Variants in KCNK18 observed in about 807,000 individuals in gnomAD.
KCNK18 encodes potassium channel subfamily K member 18.
Under a neutral mutation model 11.8 loss-of-function variants are expected in KCNK18, and 8 were observed. The ratio of observed to expected loss-of-function variants is 0.68; its 90% CI spans 0.40 to 1.22. The LOEUF (loss-of-function observed/expected upper bound fraction) is 1.22, where lower values mean the gene tolerates loss of function less well. KCNK18 is among the 50% of genes most tolerant of loss of function. The pLI is 0.01. For missense variants in KCNK18, 442 were observed against 465.4 expected (o/e 0.95, Z 0.46); for synonymous variants, 208 against 185.8 (o/e 1.12, Z -0.97).
chr10:117,199,803 A>C (rs528356218), intron 1 of KCNK18, among the ~76,000 whole-genome samples: 22 of 152,244 alleles, frequency 1.4e-4, no homozygotes, highest in African/African-American at 5.3e-4. Context: ...AATTAAAAGG[A>C]GTAGAGACTT....
chr10:117,209,988 C>G lies in KCNK18; in HGVS notation c.844C>G (p.Pro282Ala). ...VGQQVERLDI[P>A]LPIIALIVFA... is the part of the protein sequence containing the mutation. The stretch of plus-strand genomic sequence containing the variant: ...ACAGCAGGTGGAGAGGTTGGACATC[C>G]CCCTCCCCATCATTGCCCTTATTGT... The change falls in exon 3 of 3, where the codon CCC (proline) becomes GCC (alanine). Residue 282 changes from proline (P) to alanine (A), a missense_variant. Coordinates refer to ENST00000334549, the MANE Select transcript of KCNK18 (RefSeq NM_181840.1). The G allele has an allele frequency of 6.2e-7, 1 of 1,614,126 alleles. No individual in the cohort carries two copies. The highest frequency in any genetic ancestry group is 8.5e-7 in the Non-Finnish European group (1 of 1,180,004).
rs1855122409 is a variant in KCNK18, at chr10:117,209,812, G to T, written c.668G>T (p.Cys223Phe). 1.2e-6 allele frequency: 2 copies of T among 1,614,146 alleles called. No homozygotes were observed. The highest frequency in any genetic ancestry group is 1.7e-6 in the Non-Finnish European group (2 of 1,180,028). ...KLGTCPSRPS[C>F]SMELFERSHA... The stretch of plus-strand genomic sequence containing the variant: ...GGCACATGTCCTTCACGCCCAAGCT[G>T]CAGCATGGAGCTGTTTGAGAGATCT... The change falls in exon 3 of 3, where the codon TGC (cysteine) becomes TTC (phenylalanine). Residue 223 changes from cysteine (C) to phenylalanine (F), a missense_variant. Coordinates refer to ENST00000334549, the MANE Select transcript of KCNK18 (RefSeq NM_181840.1).
intron 2 of KCNK18, among the ~76,000 whole-genome samples, chr10:117,203,606 C>G (rs563670411): frequency 1.3e-5 from 2 of 152,354 alleles, no homozygotes; most frequent in South Asian, 4.1e-4. Flanking sequence ...ATGGTGCCAT[C>G]TCAGCTCACT....
Position 117,201,282 on chromosome 10 carries a change from C to T in KCNK18, c.347C>T (p.Thr116Ile), listed in dbSNP as rs376290985. 6.2e-7 allele frequency: 1 copy of T among 1,613,250 alleles called. No individual in the cohort carries two copies. Among genetic ancestry groups the T allele is most frequent in the African/African-American group, 1.3e-5 (1 of 75,006 alleles). Residue 116 changes from threonine (T) to isoleucine (I), a missense_variant, in exon 2 of 3, where the codon ACC becomes ATC. By Grantham distance (89) the Thr-to-Ile change is moderately conservative. Transcript: ENST00000334549. ...TTTTTCTGCTGCACGGTGTTCAGCACCGTGGGTAAGTGCAAAGCCACAGTC... is the reference window on the plus strand; with the variant it reads ...TTTTTCTGCTGCACGGTGTTCAGCATCGTGGGTAAGTGCAAAGCCACAGTC... Reference protein sequence around the residue: ...SLFFCCTVFSTVGYGYIYPVT... With the variant: ...SLFFCCTVFSIVGYGYIYPVT...
chr10:117,209,631 T>G lies in KCNK18; in HGVS notation c.487T>G (p.Tyr163Asp). The G allele has an allele frequency of 6.2e-7, 1 of 1,614,150 alleles. No homozygotes were observed. Among genetic ancestry groups the G allele is most frequent in the Non-Finnish European group, 8.5e-7 (1 of 1,180,024 alleles). The stretch of plus-strand genomic sequence containing the variant: ...CCTGGCAACCATCTTATCTACATCT[T>G]ATAATCGGTTCCGAAAATTCCCTTT... ...DILATILSTS[Y>D]NRFRKFPFFT... Residue 163 changes from tyrosine (Y) to aspartate (D), a missense_variant, in exon 3 of 3, where the codon TAT (tyrosine) becomes GAT (aspartate). By Grantham distance (160) the Tyr-to-Asp change is radical. Transcript: ENST00000334549.
intron 2 of KCNK18, among the ~76,000 whole-genome samples, chr10:117,207,069 C>T (rs1855085130): frequency 1.3e-5 from 2 of 152,122 alleles, no homozygotes; most frequent in South Asian, 4.1e-4. Flanking sequence ...CGCTCCGTTG[C>T]CCAGGCTGGA....
Position 117,201,306 on chromosome 10 carries a change from T to C in KCNK18, c.352+19T>C, listed in dbSNP as rs769689849. ...ACCGTGGGTAAGTGCAAAGCCACAG[T>C]CCCCCTCACGGTGGCCCTGTGAAGG... On this transcript the variant is annotated intron_variant, in intron 2 of 2. Transcript: ENST00000334549. 2 of 1,611,186 alleles carry C rather than the reference T, an allele frequency of 1.2e-6. No homozygotes were observed. The highest frequency in any genetic ancestry group is 1.7e-6 in the Non-Finnish European group (2 of 1,179,876).
intron 2 of KCNK18, among the ~76,000 whole-genome samples, chr10:117,208,805 A>T (rs1383513454): frequency 2.0e-5 from 3 of 151,630 alleles, no homozygotes; most frequent in Non-Finnish European, 4.4e-5. Context: ...CAATGGCACA[A>T]TCTTGGCTCA....
At chr10:117,201,431 C>A in intron 2 of KCNK18, 144 bp downstream of exon 2, 2 of 867,830 alleles carry the variant, frequency 2.3e-6, no homozygotes, top group South Asian at 2.8e-5. Flanking sequence ...TATTGCACAC[C>A]TACAAATAGC....
At chr10:117,203,470 G>T (rs1855038917) in intron 2 of KCNK18, among the ~76,000 whole-genome samples, 1 of 152,200 alleles carries the variant, frequency 6.6e-6, no homozygotes, top group African/African-American at 2.4e-5. Flanking sequence ...AATAGGCCCA[G>T]GAGAGCAGTA....
At chr10:117,202,622 C>A (rs565049681) in intron 2 of KCNK18, among the ~76,000 whole-genome samples, 2 of 152,210 alleles carry the variant, frequency 1.3e-5, no homozygotes, top group Non-Finnish European at 1.5e-5. Flanking sequence ...TCAGCCATGA[C>A]GATGTCTTCC....
At position 117,209,653 on chromosome 10, in the gene KCNK18, C is replaced by T. The variant is rs771615431; in HGVS notation, c.509C>T (p.Pro170Leu). 20 of 1,614,002 alleles carry T rather than the reference C, an allele frequency of 1.2e-5. No individual in the cohort carries two copies. Among genetic ancestry groups the T allele is most frequent in the South Asian group, 3.3e-5 (3 of 91,076 alleles). The change falls in exon 3 of 3, where the codon CCT (proline) becomes CTT (leucine). Residue 170 changes from proline to leucine, a missense_variant. Physicochemically the swap from Pro to Leu is moderately conservative, Grantham distance 98. Transcript: ENST00000334549. Reference sequence around the variant, plus strand: ...TCTTATAATCGGTTCCGAAAATTCCCTTTCTTTACCCGCCCCCTCCTCTCC... The same window carrying T: ...TCTTATAATCGGTTCCGAAAATTCCTTTTCTTTACCCGCCCCCTCCTCTCC... ...STSYNRFRKF[P>L]FFTRPLLSKW...
At chr10:117,202,190 G>A (rs1247034388) in intron 2 of KCNK18, among the ~76,000 whole-genome samples, 1 of 152,236 alleles carries the variant, frequency 6.6e-6, no homozygotes, top group Non-Finnish European at 1.5e-5. Context: ...CATGCTGAAG[G>A]TCAGGATGGA....
rs1418032745 is a variant in KCNK18, at chr10:117,210,076, A to C, written c.932A>C (p.Glu311Ala). 6.2e-7 allele frequency: 1 copy of C among 1,614,102 alleles called. No individual in the cohort carries two copies. The highest frequency in any genetic ancestry group is 1.7e-5 in the Admixed American group (1 of 60,016). Residue 311 changes from glutamate (E) to alanine (A), a missense_variant, in exon 3 of 3, where the codon GAG becomes GCG. Glu to Ala is a moderately radical substitution (Grantham distance 107). Transcript: ENST00000334549. ...TTCTGGGAGACACAGTTGGATTTCG[A>C]GAATGCCTTCTATTTCTGCTTTGTC... is the stretch of plus-strand genomic sequence containing the variant. The part of the protein sequence containing the change: ...LPFWETQLDF[E>A]NAFYFCFVTL...
chr10:117,207,477 C>T (rs941239486), intron 2 of KCNK18, among the ~76,000 whole-genome samples: 8 of 152,176 alleles, frequency 5.3e-5, no homozygotes, highest in Admixed American at 1.3e-4. Flanking sequence ...TCAGAGAGAT[C>T]GTATCCCATA....
At chr10:117,204,340 A>G (rs776220563) in intron 2 of KCNK18, among the ~76,000 whole-genome samples, 1 of 151,840 alleles carries the variant, frequency 6.6e-6, no homozygotes, top group Non-Finnish European at 1.5e-5. Flanking sequence ...CAACCTCAGC[A>G]CTATCAGCTT....
intron 2 of KCNK18, 127 bp from the exon 3 acceptor site, chr10:117,209,370 T>C: frequency 3.5e-6 from 3 of 855,852 alleles, no homozygotes. Flanking sequence ...TTGAGATGAG[T>C]ATTTTCAAAA....
rs189847384 is a variant in KCNK18 at position 117,197,557 on chromosome 10, C to A, written c.69C>A (p.Gly23=). 6.2e-7 allele frequency: 1 copy of A among 1,614,234 alleles called. No homozygotes were observed. Among genetic ancestry groups the A allele is most frequent in the African/African-American group, 1.3e-5 (1 of 75,070 alleles). Residue 23 remains glycine, a synonymous_variant, in exon 1 of 3, where the codon GGC becomes GGA. Transcript: ENST00000334549. ...AGGCCCTGGGAAAGCTCTTCCCTGG[C>A]CTCTGCTTCCTCTGCTTTCTGGTGA... ...CPEALGKLFP[G]LCFLCFLVTY...
intron 1 of KCNK18, among the ~76,000 whole-genome samples, chr10:117,200,563 T>A (rs1325765647): frequency 1.3e-5 from 2 of 152,040 alleles, no homozygotes; most frequent in East Asian, 1.9e-4. Flanking sequence ...ATCCCAGCCC[T>A]TTGGGAGGCT....
Sources: allele counts gnomAD v4.1 joint callset (sites outside exome capture counted in the v4.1 genomes callset), GRCh38; gene constraint gnomAD v4.1.1; transcripts MANE v1.5; gene names NCBI Gene and HGNC (gene_info 2026-07-23, HGNC 2026-07-21).